Variants in NGF observed in about 807,000 individuals in gnomAD.
NGF encodes the protein nerve growth factor, also known as beta-nerve growth factor.
NGF carries 4 observed loss-of-function variants against 12.8 expected under a neutral mutation model. That is an observed-to-expected ratio of 0.31 (90% CI 0.15 to 0.72). The LOEUF (loss-of-function observed/expected upper bound fraction) is 0.72, where lower values mean the gene tolerates loss of function less well. NGF is among the 30% of genes least tolerant of loss of function. The pLI is 0.69. For missense variants in NGF, 283 were observed against 330.8 expected (o/e 0.86, Z 1.12); for synonymous variants, 140 against 130.0 (o/e 1.08, Z -0.52).
chr1:115,336,649 G>C (rs1013986298), intron 1 of NGF, among the ~76,000 whole-genome samples: 1 of 152,220 alleles, frequency 6.6e-6, no homozygotes, highest in Non-Finnish European at 1.5e-5. Context: ...TCTGCAGAGG[G>C]AGAAAGTTTC....
intron 1 of NGF, among the ~76,000 whole-genome samples, chr1:115,334,058 T>C (rs1413046949): frequency 2.0e-5 from 3 of 152,066 alleles, no homozygotes; most frequent in East Asian, 3.9e-4. Flanking sequence ...GAAGCAGAGG[T>C]GAGAATAATG....
chr1:115,304,569 C>A (rs1034777363), intron 1 of NGF, among the ~76,000 whole-genome samples: 6 of 151,948 alleles, frequency 3.9e-5, no homozygotes, highest in African/African-American at 1.2e-4. Flanking sequence ...AAGGTAGGTG[C>A]ACAATTTTTG....
At chr1:115,291,681 A>C (rs888850922) in intron 2 of NGF, among the ~76,000 whole-genome samples, 3 of 152,216 alleles carry the variant, frequency 2.0e-5, no homozygotes, top group African/African-American at 7.2e-5. Flanking sequence ...GTGGATTTCC[A>C]ATGGTTCACA....
At chr1:115,311,614 A>G (rs1427178659) in intron 1 of NGF, among the ~76,000 whole-genome samples, 1 of 152,196 alleles carries the variant, frequency 6.6e-6, no homozygotes, top group East Asian at 1.9e-4. Context: ...CTGGCCCAAT[A>G]TGCCAGTAGT....
At chr1:115,315,708 C>T (rs184752310) in intron 1 of NGF, among the ~76,000 whole-genome samples, 1 of 152,168 alleles carries the variant, frequency 6.6e-6, no homozygotes, top group African/African-American at 2.4e-5. Context: ...GGGGAGAGGT[C>T]AAGGGCTATA....
At chr1:115,320,424 C>A (rs924596372) in intron 1 of NGF, among the ~76,000 whole-genome samples, 1 of 152,132 alleles carries the variant, frequency 6.6e-6, no homozygotes, top group Non-Finnish European at 1.5e-5. Context: ...AAAATAAGGT[C>A]TACTTGAATA....
intron 1 of NGF, among the ~76,000 whole-genome samples, chr1:115,329,747 T>TC (rs922844829): frequency 3.5e-5 from 5 of 141,030 alleles, no homozygotes; most frequent in South Asian, 2.3e-4. Flanking sequence ...TTTCTTTCTT[T>TC]TTTTTTTTTT....
At chr1:115,308,556 T>TA (rs892824595) in intron 1 of NGF, among the ~76,000 whole-genome samples, 5 of 151,900 alleles carry the variant, frequency 3.3e-5, no homozygotes, top group African/African-American at 9.7e-5. Context: ...GATATTCAAC[T>TA]AAAAAAAATG....
chr1:115,332,378 G>C (rs1357995803), intron 1 of NGF, among the ~76,000 whole-genome samples: 1 of 152,200 alleles, frequency 6.6e-6, no homozygotes, highest in Non-Finnish European at 1.5e-5. Context: ...GTTAACTACA[G>C]AAGGTCAAAA....
intron 1 of NGF, among the ~76,000 whole-genome samples, chr1:115,311,611 A>G (rs555256316): frequency 6.6e-6 from 1 of 152,328 alleles, no homozygotes; most frequent in African/African-American, 2.4e-5. Context: ...CATCTGGCCC[A>G]ATATGCCAGT....
chr1:115,287,879 A>T (rs922872754), intron 2 of NGF, among the ~76,000 whole-genome samples: 11 of 152,174 alleles, frequency 7.2e-5, no homozygotes, highest in African/African-American at 1.2e-4. Context: ...GTAATTGTGG[A>T]ATTAGTTCTG....
chr1:115,330,742 A>G (rs1452085916), intron 1 of NGF, among the ~76,000 whole-genome samples: 1 of 152,072 alleles, frequency 6.6e-6, no homozygotes, highest in African/African-American at 2.4e-5. Context: ...ACTCCAAGCA[A>G]TGTGCACGCT....
rs575821682 is a variant in NGF, at chr1:115,295,094, C to T, written c.-136-1344G>A. On this transcript the variant is annotated intron_variant, in intron 1 of 2. Transcript: ENST00000369512. ...TGTGATATCTTTTTCCAGCATGGATCCCCACCACATATCTTCATCCAACTC... is the reference window on the plus strand; with the variant it reads ...TGTGATATCTTTTTCCAGCATGGATTCCCACCACATATCTTCATCCAACTC... 3.3e-5 allele frequency among the ~76,000 whole-genome samples: 5 copies of T among 152,264 alleles called. No homozygotes were observed. The East Asian group carries it at 9.7e-4, about 29-fold the overall frequency.
Position 115,297,280 on chromosome 1 carries a change from G to T in NGF, c.-136-3530C>A, listed in dbSNP as rs145457381. The stretch of plus-strand genomic sequence containing the variant: ...ACCATTGCTTTAGGGCTTCCACCTT[G>T]TTCCTCCTCATGGGGTGAAGTATCC... On this transcript the variant is annotated intron_variant, in intron 1 of 2. Transcript: ENST00000369512. Among the ~76,000 whole-genome samples the T allele has an allele frequency of 7.4e-4, 113 of 152,294 alleles. 1 individual carries two copies. The highest frequency in any genetic ancestry group is 3.4e-3 in the Middle Eastern group (1 of 294).
At chr1:115,318,519 G>A (rs1436142210) in intron 1 of NGF, among the ~76,000 whole-genome samples, 1 of 152,148 alleles carries the variant, frequency 6.6e-6, no homozygotes, top group Non-Finnish European at 1.5e-5. Flanking sequence ...GACCTGGGAG[G>A]GGGCAAAACT....
intron 1 of NGF, among the ~76,000 whole-genome samples, chr1:115,303,350 G>T (rs74551107): frequency 1.3e-5 from 2 of 152,040 alleles, no homozygotes; most frequent in Admixed American, 1.3e-4. Flanking sequence ...GATCCATAGA[G>T]CATGGCAGCA....
At chr1:115,321,664 G>A (rs1654632273) in intron 1 of NGF, among the ~76,000 whole-genome samples, 2 of 150,852 alleles carry the variant, frequency 1.3e-5, no homozygotes, top group African/African-American at 4.9e-5. Flanking sequence ...CATGCAGGAG[G>A]GGAGAAGAAA....
chr1:115,328,763 C>T (rs1654836544), intron 1 of NGF, among the ~76,000 whole-genome samples: 1 of 152,144 alleles, frequency 6.6e-6, no homozygotes, highest in African/African-American at 2.4e-5. Context: ...CCATGAAAGG[C>T]CATGCTACCC....
chr1:115,302,899 C>A (rs896839628), intron 1 of NGF, among the ~76,000 whole-genome samples: 3 of 152,164 alleles, frequency 2.0e-5, no homozygotes, highest in Non-Finnish European at 4.4e-5. Flanking sequence ...TGTGAGGATG[C>A]TTTTCCCCTT....
Sources: gnomAD v4.1 joint callset for allele counts (sites outside exome capture counted in the v4.1 genomes callset) on GRCh38, gnomAD v4.1.1 for gene constraint, MANE v1.5 for transcripts, NCBI Gene and HGNC (gene_info 2026-07-23, HGNC 2026-07-21) for gene names.